DLG1: variants seen among roughly 807,000 people sequenced by gnomAD.
DLG1 encodes the protein discs large MAGUK scaffold protein 1, also known as disks large homolog 1.
A neutral mutation model predicts 123.4 loss-of-function variants in DLG1; 42 were observed. That is an observed-to-expected ratio of 0.34 (90% CI 0.27 to 0.44). The LOEUF is 0.44. Among genes scored for constraint, DLG1 ranks in the 20% least tolerant of loss-of-function variants. The probability of loss-of-function intolerance (pLI) is 1.00; values close to 1 mark genes in which losing one functional copy is unlikely to be tolerated. For synonymous variants in DLG1, 317 were observed against 356.2 expected (o/e 0.89, Z 1.24); for missense variants, 942 against 1,082.6 (o/e 0.87, Z 1.82).
intron 5 of DLG1, among the ~76,000 whole-genome samples, chr3:197,152,795 T>C (rs62281759): frequency 0.12 from 17,359 of 149,100 alleles, 1,325 homozygotes; most frequent in South Asian, 0.33. Context: ...AAGTCAAGTT[T>C]ATTGGCTGGG....
intron 11 of DLG1, among the ~76,000 whole-genome samples, chr3:197,127,028 T>C (rs1579822084): frequency 6.6e-6 from 1 of 152,158 alleles, no homozygotes; most frequent in East Asian, 1.9e-4. Context: ...CTTCAAACAT[T>C]AACTCAATGC....
intron 6 of DLG1, among the ~76,000 whole-genome samples, chr3:197,144,893 T>C (rs146186971): frequency 1.3e-5 from 2 of 152,316 alleles, no homozygotes; most frequent in African/African-American, 4.8e-5. Flanking sequence ...CATAGCTCGT[T>C]GCAGCCTCAA....
chr3:197,277,261 G>A (rs1766916398), intron 4 of DLG1, among the ~76,000 whole-genome samples: 1 of 151,174 alleles, frequency 6.6e-6, no homozygotes, highest in Non-Finnish European at 1.5e-5. Flanking sequence ...AATGTATTGT[G>A]ATGTTAGGAG....
In DLG1 at chr3:197,260,750, CAAAAAAAAA is replaced by C. The variant is rs570596943; in HGVS notation, c.318+21920_318+21928del. 2.6e-3 allele frequency among the ~76,000 whole-genome samples: 47 copies of C among 18,312 alleles called. 1 individual carries two copies. The highest frequency in any genetic ancestry group is 8.0e-3 in the African/African-American group (38 of 4,736). The allele number at this position is 18,312 out of a possible 152,430, so 12.0% of individuals were successfully genotyped here. ...GTTTGGATACTCAAATGACAACCACCAAAAAAAAAAAAAAAAAAAAAAAAAAAAAAAAAA... is the reference window on the plus strand; with the variant it reads ...GTTTGGATACTCAAATGACAACCACCAAAAAAAAAAAAAAAAAAAAAAAAA... On this transcript the variant is annotated intron_variant, in intron 4 of 24. Transcript: ENST00000667157.
rs376762712 is a variant in DLG1, at chr3:197,130,608, A to G, written c.1084T>C (p.Ser362Pro). 5.0e-6 allele frequency: 8 copies of G among 1,611,676 alleles called. No individual in the cohort carries two copies. The highest frequency in any genetic ancestry group is 6.8e-6 in the Non-Finnish European group (8 of 1,179,224). Residue 362 changes from serine to proline, a missense_variant, in exon 11 of 25, where the codon TCT (serine) becomes CCT (proline). Coordinates refer to ENST00000667157, the MANE Select transcript of DLG1 (RefSeq NM_001366207.1). ...EEAVTALKNT[S>P]DFVYLKVAKP... ...GCCACTTTCAAATAAACAAAATCAGATGTGTTCTTTAAGGCAGTTACTGCT... is the reference window on the plus strand; with the variant it reads ...GCCACTTTCAAATAAACAAAATCAGGTGTGTTCTTTAAGGCAGTTACTGCT...
chr3:197,163,050 A>G (rs1561154319), intron 5 of DLG1, among the ~76,000 whole-genome samples: 1 of 152,258 alleles, frequency 6.6e-6, no homozygotes, highest in Non-Finnish European at 1.5e-5. Context: ...GAGCTTGAAT[A>G]ATTTCTGCAA....
intron 15 of DLG1, among the ~76,000 whole-genome samples, chr3:197,087,925 T>C (rs868643651): frequency 3.3e-5 from 5 of 152,264 alleles, no homozygotes; most frequent in African/African-American, 1.2e-4. Flanking sequence ...TCCAGAGAAA[T>C]TGAATTTGAG....
intron 4 of DLG1, among the ~76,000 whole-genome samples, chr3:197,197,785 G>C (rs1198658854): frequency 6.6e-6 from 1 of 152,150 alleles, no homozygotes; most frequent in African/African-American, 2.4e-5. Context: ...TATGGTACTG[G>C]AATAAATATA....
intron 5 of DLG1, chr3:197,184,022 C>T: frequency 1.5e-6 from 2 of 1,317,410 alleles, no homozygotes; most frequent in Non-Finnish European, 9.6e-7. Flanking sequence ...TGTATGATGG[C>T]TGAGTTTATT....
chr3:197,083,552 G>A, intron 16 of DLG1, among the ~76,000 whole-genome samples: 1 of 152,164 alleles, frequency 6.6e-6, no homozygotes, highest in Non-Finnish European at 1.5e-5. Context: ...ACACTCAACA[G>A]CACTTCACAG....
intron 23 of DLG1, 68 bp from the exon 24 acceptor site, chr3:197,051,736 G>A: frequency 4.2e-6 from 5 of 1,182,184 alleles, no homozygotes; most frequent in Non-Finnish European, 6.1e-6. Context: ...GATGGCAAAG[G>A]AGAGATGACA....
chr3:197,103,217 T>G (rs183955397), intron 14 of DLG1, among the ~76,000 whole-genome samples: 29 of 152,340 alleles, frequency 1.9e-4, no homozygotes, highest in African/African-American at 7.0e-4. Flanking sequence ...GTATCATACC[T>G]GCCTTCTTAG....
At chr3:197,236,120 C>T (rs1023533543) in intron 4 of DLG1, among the ~76,000 whole-genome samples, 1 of 152,040 alleles carries the variant, frequency 6.6e-6, no homozygotes, top group Non-Finnish European at 1.5e-5. Context: ...TCAAGAGTGG[C>T]ATGAGCAACA....
At chr3:197,090,533 A>G (rs1298233407) in intron 15 of DLG1, among the ~76,000 whole-genome samples, 1 of 152,090 alleles carries the variant, frequency 6.6e-6, no homozygotes, top group African/African-American at 2.4e-5. Flanking sequence ...GGAAATTGCC[A>G]GGTAATTAAA....
chr3:197,216,976 A>G (rs1464420153), intron 4 of DLG1, among the ~76,000 whole-genome samples: 1 of 152,234 alleles, frequency 6.6e-6, no homozygotes, highest in African/African-American at 2.4e-5. Flanking sequence ...TAGAAGTAAC[A>G]TCGGAGACAA....
At chr3:197,139,581 A>C (rs1786922809) in intron 8 of DLG1, among the ~76,000 whole-genome samples, 1 of 152,200 alleles carries the variant, frequency 6.6e-6, no homozygotes, top group Admixed American at 6.5e-5. Flanking sequence ...TCCAAAATGG[A>C]ACACTAAATT....
At position 197,105,061 on chromosome 3, in the gene DLG1, C is replaced by T. The variant is rs952923057; in HGVS notation, c.1444-56G>A. ...GAAAAGAATCACTGTGATTAGAAAT[C>T]ACAATAGTCTATTCTTTGAGTAAGC... On this transcript the variant is annotated intron_variant, in intron 13 of 24. Coordinates refer to ENST00000667157, the MANE Select transcript of DLG1 (RefSeq NM_001366207.1). The T allele has an allele frequency of 2.4e-5, 27 of 1,145,930 alleles. 1 individual carries two copies. The highest frequency in any genetic ancestry group is 3.4e-5 in the Non-Finnish European group (27 of 785,416). The allele number at this position is 1,145,930 out of a possible 1,614,324, so 71.0% of individuals were successfully genotyped here.
Position 197,085,520 on chromosome 3 carries a change from T to A in DLG1, c.1838+60A>T, listed in dbSNP as rs147109357. 1.1e-3 allele frequency: 1,767 copies of A among 1,571,938 alleles called. 20 individuals carry two copies. The East Asian group carries it at 0.016, about 14-fold the overall frequency. ...CCATGTTGTCACAAATTAAAAAAAA[T>A]TTAAAAGAACATCAATTATTTATGT... is the stretch of plus-strand genomic sequence containing the variant. On this transcript the variant is annotated intron_variant, in intron 16 of 24. Transcript: ENST00000667157.
intron 4 of DLG1, among the ~76,000 whole-genome samples, chr3:197,233,917 A>AT (rs751725205): frequency 1.2e-4 from 19 of 152,364 alleles, no homozygotes; most frequent in Non-Finnish European, 1.3e-4. Context: ...AAATCCATCC[A>AT]TTATACACTG....
Sources: allele counts gnomAD v4.1 joint callset (sites outside exome capture counted in the v4.1 genomes callset), GRCh38; gene constraint gnomAD v4.1.1; transcripts MANE v1.5; gene names NCBI Gene and HGNC (gene_info 2026-07-23, HGNC 2026-07-21).